ITFG1: variants seen among roughly 807,000 people sequenced by gnomAD.
ITFG1 encodes T-cell immunomodulatory protein.
In ITFG1, 34 loss-of-function variants were observed where a neutral mutation model predicts 81.8. The observed-to-expected ratio is 0.42, with a 90% CI of 0.32 to 0.55. The LOEUF is 0.55. Ranked by LOEUF, ITFG1 falls within the 20% of genes least tolerant of loss-of-function variation. The probability of loss-of-function intolerance (pLI) is 0.17; values close to 1 mark genes in which losing one functional copy is unlikely to be tolerated. For missense variants in ITFG1, 672 were observed against 755.4 expected, an observed-to-expected ratio of 0.89 and a Z score of 1.29; for synonymous variants, 285 against 270.6, an observed-to-expected ratio of 1.05 and a Z score of -0.52.
chr16:47,434,887 T>C (rs547973793), intron 5 of ITFG1, among the ~76,000 whole-genome samples: 24 of 152,194 alleles, frequency 1.6e-4, no homozygotes, highest in Non-Finnish European at 2.2e-4. Flanking sequence ...GACATGAATG[T>C]AGCTGGAAGC....
chr16:47,162,700 C>T, intron 14 of ITFG1, 36 bp from the exon 15 acceptor site: 3 of 1,549,740 alleles, frequency 1.9e-6, no homozygotes, highest in South Asian at 2.5e-5. Flanking sequence ...TTAAAAACAT[C>T]TCTGGAAACA....
chr16:47,209,239 T>G (rs1965536184), intron 14 of ITFG1, among the ~76,000 whole-genome samples: 1 of 152,214 alleles, frequency 6.6e-6, no homozygotes. Flanking sequence ...TTTTAATCCA[T>G]CATTGTAACT....
intron 8 of ITFG1, among the ~76,000 whole-genome samples, chr16:47,360,970 G>A (rs1409965797): frequency 6.6e-6 from 1 of 151,914 alleles, no homozygotes. Context: ...CTAGGTACTG[G>A]GTGTACTCAT....
chr16:47,158,913 A>G lies in ITFG1; in HGVS notation c.1739T>C (p.Phe580Ser). 1 of 1,604,302 alleles carries G rather than the reference A, an allele frequency of 6.2e-7. No homozygotes were observed. The highest frequency in any genetic ancestry group is 8.5e-7 in the Non-Finnish European group (1 of 1,174,716). ...TAIALIGVCV[F>S]ILAIIGILHW... is the part of the protein sequence containing the mutation. ...TAAAATGCCAATTATTGCCAAGATGAAAACACAGACACCGATGAGAGCTAT... is the reference window on the plus strand; with the variant it reads ...TAAAATGCCAATTATTGCCAAGATGGAAACACAGACACCGATGAGAGCTAT... The change falls in exon 17 of 18, where the codon TTC (phenylalanine) becomes TCC (serine). Residue 580 changes from phenylalanine to serine, a missense_variant. Coordinates refer to ENST00000320640, the MANE Select transcript of ITFG1 (RefSeq NM_030790.5).
chr16:47,429,009 T>C (rs1969059957), intron 5 of ITFG1, 111 bp from the exon 6 acceptor site: 1 of 656,912 alleles, frequency 1.5e-6, no homozygotes, highest in South Asian at 2.0e-5. Flanking sequence ...TTCATTGATA[T>C]ATTCAACATA....
At chr16:47,192,461 T>C (rs1965304035) in intron 14 of ITFG1, among the ~76,000 whole-genome samples, 1 of 152,226 alleles carries the variant, frequency 6.6e-6, no homozygotes, top group Non-Finnish European at 1.5e-5. Flanking sequence ...AGATTCCTTC[T>C]GAAATAGGGC....
intron 10 of ITFG1, among the ~76,000 whole-genome samples, chr16:47,267,909 T>C (rs1377228206): frequency 6.6e-6 from 1 of 152,064 alleles, no homozygotes; most frequent in African/African-American, 2.4e-5. Context: ...GGACTATTTA[T>C]ATCATTAAAC....
intron 10 of ITFG1, among the ~76,000 whole-genome samples, chr16:47,267,110 G>A (rs1320940404): frequency 6.6e-6 from 1 of 152,198 alleles, no homozygotes; most frequent in African/African-American, 2.4e-5. Flanking sequence ...TAAACTTGAA[G>A]GTGATGGTTA....
At chr16:47,219,208 T>C (rs2151527225) in intron 13 of ITFG1, among the ~76,000 whole-genome samples, 1 of 152,322 alleles carries the variant, frequency 6.6e-6, no homozygotes, top group Admixed American at 6.5e-5. Context: ...ATTCAGTTCG[T>C]TATTTTAACT....
intron 8 of ITFG1, among the ~76,000 whole-genome samples, chr16:47,353,790 C>G (rs968644669): frequency 5.9e-5 from 9 of 151,756 alleles, no homozygotes; most frequent in African/African-American, 1.7e-4. Flanking sequence ...ATCCCACTTA[C>G]AATATTTACA....
chr16:47,373,205 G>C (rs1968280373), intron 7 of ITFG1, among the ~76,000 whole-genome samples: 1 of 152,004 alleles, frequency 6.6e-6, no homozygotes, highest in Non-Finnish European at 1.5e-5. Flanking sequence ...GCAATTCCTT[G>C]CCTGCCTTTT....
rs144751768 is a variant in ITFG1, at chr16:47,424,921, C to T, written c.655+3883G>A. Among the ~76,000 whole-genome samples, 1,077 of 152,210 alleles carry T rather than the reference C, an allele frequency of 7.1e-3. 17 individuals are homozygous for T. The highest frequency in any genetic ancestry group is 0.025 in the African/African-American group (1,032 of 41,518). ...GACCCACTTGAGGAGGCAGTGTGTC[C>T]GTTCTCGGAGTTGGAACGCCACGCT... is the stretch of plus-strand genomic sequence containing the variant. On this transcript the variant is annotated intron_variant, in intron 6 of 17. Transcript: ENST00000320640.
intron 8 of ITFG1, among the ~76,000 whole-genome samples, chr16:47,344,770 A>AT (rs1275425956): frequency 6.6e-6 from 1 of 152,142 alleles, no homozygotes; most frequent in African/African-American, 2.4e-5. Flanking sequence ...GTCTATGTCC[A>AT]TTTCAATTGT....
At chr16:47,257,372 C>T (rs1326332502) in intron 12 of ITFG1, among the ~76,000 whole-genome samples, 2 of 152,048 alleles carry the variant, frequency 1.3e-5, no homozygotes, top group South Asian at 2.1e-4. Flanking sequence ...AACACAATAT[C>T]CTCTACAGCC....
At chr16:47,165,033 A>T (rs1466789724) in intron 14 of ITFG1, among the ~76,000 whole-genome samples, 1 of 152,222 alleles carries the variant, frequency 6.6e-6, no homozygotes, top group East Asian at 1.9e-4. Flanking sequence ...TGGATATTAT[A>T]TGGTTGGCCA....
chr16:47,313,885 T>C lies in ITFG1; in HGVS notation c.803-62A>G, dbSNP rs990777623. 4.5e-6 allele frequency: 4 copies of C among 889,440 alleles called. No individual in the cohort carries two copies. In the Admixed American group the frequency reaches 7.6e-5, roughly 17 times the overall value. 55.1% of individuals were successfully genotyped at this position (889,440 alleles called of 1,614,324 possible). A position where few individuals can be genotyped will look rare whatever the true frequency, so the allele number is the denominator to read the frequency against. Reference sequence around the variant, plus strand: ...CAAAATAAAGTGTTCTTGTATGGTATATTAAATTTACTATTTGTTCAAAGT... The same window carrying C: ...CAAAATAAAGTGTTCTTGTATGGTACATTAAATTTACTATTTGTTCAAAGT... On this transcript the variant is annotated intron_variant, in intron 8 of 17. Coordinates refer to ENST00000320640, the MANE Select transcript of ITFG1 (RefSeq NM_030790.5).
intron 8 of ITFG1, among the ~76,000 whole-genome samples, chr16:47,323,962 T>G (rs988663172): frequency 1.3e-5 from 2 of 152,214 alleles, no homozygotes; most frequent in Non-Finnish European, 2.9e-5. Context: ...TTGTTTTATA[T>G]GAAGTATTAA....
At position 47,218,926 on chromosome 16, in the gene ITFG1, A is replaced by G. The variant is rs1207376677; in HGVS notation, c.1395T>C (p.Pro465=). 6.3e-7 allele frequency: 1 copy of G among 1,599,430 alleles called. No homozygotes were observed. The highest frequency in any genetic ancestry group is 1.1e-5 in the South Asian group (1 of 88,624). Residue 465 remains proline, a synonymous_variant, in exon 14 of 18, where the codon CCT becomes CCC. Transcript: ENST00000320640. ...RKITPFGVNQ[P]GPYIMYTTVD... ...CAGTTGTATACATGATATAAGGTCC[A>G]GGTTGATTCACTCCAAAGGGCTGCA...
At chr16:47,184,861 A>G (rs1182699296) in intron 14 of ITFG1, among the ~76,000 whole-genome samples, 1 of 152,210 alleles carries the variant, frequency 6.6e-6, no homozygotes, top group Non-Finnish European at 1.5e-5. Context: ...AAGACCCATC[A>G]GTGTGCTATA....
Sources: gnomAD v4.1 joint callset for allele counts (sites outside exome capture counted in the v4.1 genomes callset) on GRCh38, gnomAD v4.1.1 for gene constraint, MANE v1.5 for transcripts, NCBI Gene and HGNC (gene_info 2026-07-23, HGNC 2026-07-21) for gene names.